Variants in IL1RAPL2 observed in about 807,000 individuals in gnomAD.
IL1RAPL2 encodes X-linked interleukin-1 receptor accessory protein-like 2.
A neutral mutation model predicts 44.1 loss-of-function variants in IL1RAPL2; 3 were observed. The ratio of observed to expected loss-of-function variants is 0.07; its 90% CI spans 0.03 to 0.18. The LOEUF is 0.18. Ranked by LOEUF, IL1RAPL2 falls within the 10% of genes least tolerant of loss-of-function variation. The pLI, the probability that IL1RAPL2 is intolerant of heterozygous loss-of-function variation, is 1.00. For missense variants in IL1RAPL2, 391 were observed against 496.4 expected (o/e 0.79, Z 2.02); for synonymous variants, 181 against 178.8 (o/e 1.01, Z -0.10).
chrX:105,009,610 GA>G (rs1206253703), intron 2 of IL1RAPL2, among the ~76,000 whole-genome samples: 2 of 76,983 alleles, frequency 2.6e-5, no homozygotes, highest in East Asian at 1.1e-3. Context: ...GGGGTGGGGG[GA>G]GGGGGGCGAG....
chrX:105,384,369 C>T (rs1005245525), intron 5 of IL1RAPL2, among the ~76,000 whole-genome samples: 1 of 111,586 alleles, frequency 9.0e-6, no homozygotes, highest in Non-Finnish European at 1.9e-5. Context: ...GTAGACGATC[C>T]TTTCCCCAAT....
At chrX:104,721,892 C>T (rs181809166) in intron 2 of IL1RAPL2, among the ~76,000 whole-genome samples, 4 of 111,315 alleles carry the variant, frequency 3.6e-5, no homozygotes, top group South Asian at 3.7e-4. Flanking sequence ...TTTTGATAAG[C>T]GCTATTGTAT....
chrX:104,704,032 A>G (rs1602688567), intron 2 of IL1RAPL2, among the ~76,000 whole-genome samples: 1 of 110,365 alleles, frequency 9.1e-6, no homozygotes, highest in Admixed American at 9.7e-5. Context: ...GTGAAATCAG[A>G]TTTTTTTCCA....
chrX:104,752,988 A>T (rs1039536609), intron 2 of IL1RAPL2, among the ~76,000 whole-genome samples: 1 of 108,065 alleles, frequency 9.3e-6, no homozygotes, highest in African/African-American at 3.4e-5. Context: ...TCCCACCCAA[A>T]CTCTTCTAGC....
At chrX:105,181,784 G>A (rs782126929) in intron 2 of IL1RAPL2, among the ~76,000 whole-genome samples, 1 of 111,396 alleles carries the variant, frequency 9.0e-6, no homozygotes, top group Non-Finnish European at 1.9e-5. Flanking sequence ...GTATGTTCTG[G>A]CTGGGCGCAG....
In IL1RAPL2 at chrX:105,227,143, G is replaced by A. The variant is rs187311046; in HGVS notation, c.357-6675G>A. ...GCTAAATGACGAGTTAATGGGTGCA[G>A]CACACCAGCATGGCACATGTATACA... On this transcript the variant is annotated intron_variant, in intron 3 of 10. Transcript: ENST00000372582. Among the ~76,000 whole-genome samples, 526 of 108,228 alleles carry A rather than the reference G, an allele frequency of 4.9e-3. 6 individuals are homozygous for A. The highest frequency in any genetic ancestry group is 0.017 in the African/African-American group (497 of 29,812). 94.0% of individuals were successfully genotyped at this position (108,228 alleles called of 115,157 possible). A position where few individuals can be genotyped will look rare whatever the true frequency, so the allele number is the denominator to read the frequency against.
intron 4 of IL1RAPL2, among the ~76,000 whole-genome samples, chrX:105,237,480 T>A (rs978631991): frequency 2.7e-5 from 3 of 111,929 alleles, no homozygotes; most frequent in Non-Finnish European, 3.8e-5. Flanking sequence ...AAGTGTTCCT[T>A]TTTCTCCACA....
chrX:105,057,358 A>T (rs2032007337), intron 2 of IL1RAPL2, among the ~76,000 whole-genome samples: 1 of 111,773 alleles, frequency 8.9e-6, no homozygotes, highest in Admixed American at 9.5e-5. Flanking sequence ...GCAAAATTGC[A>T]TGAACAGTGA....
In IL1RAPL2 at chrX:104,633,808, AT is replaced by A. The variant is rs1183381638; in HGVS notation, c.-19-25080del. Among the ~76,000 whole-genome samples, 4 of 110,653 alleles carry A rather than the reference AT, an allele frequency of 3.6e-5. No individual in the cohort carries two copies. The East Asian group carries it at 1.1e-3, about 32-fold the overall frequency. ...AAAAAACCAGCCCCTGGATTCATTG[AT>A]TTTTTTGAAGGGTTTTTTTGTGTCT... On this transcript the variant is annotated intron_variant, in intron 1 of 10. Transcript: ENST00000372582.
intron 2 of IL1RAPL2, among the ~76,000 whole-genome samples, chrX:104,678,631 C>G (rs1930832506): frequency 8.9e-6 from 1 of 112,160 alleles, no homozygotes; most frequent in Admixed American, 9.4e-5. Flanking sequence ...TATTCAGTCC[C>G]TAAGTGTCAT....
At chrX:104,737,583 C>T (rs1015553642) in intron 2 of IL1RAPL2, among the ~76,000 whole-genome samples, 2 of 111,777 alleles carry the variant, frequency 1.8e-5, no homozygotes, top group Non-Finnish European at 3.8e-5. Flanking sequence ...GAACTAGAAT[C>T]ATGGTAGAAG....
chrX:104,767,166 C>T (rs1419137), intron 2 of IL1RAPL2, among the ~76,000 whole-genome samples: 5,937 of 111,648 alleles, frequency 0.053, 415 homozygotes, highest in African/African-American at 0.18. Flanking sequence ...CCATCAGGTG[C>T]AATATCAGGT....
intron 2 of IL1RAPL2, among the ~76,000 whole-genome samples, chrX:105,134,035 T>C (rs2147579270): frequency 8.9e-6 from 1 of 111,801 alleles, no homozygotes; most frequent in Admixed American, 9.5e-5. Context: ...CATTATAGCT[T>C]TGTGTTTGTA....
chrX:105,595,344 A>G (rs1018101278), intron 6 of IL1RAPL2, among the ~76,000 whole-genome samples: 1 of 111,798 alleles, frequency 8.9e-6, no homozygotes, highest in Admixed American at 9.5e-5. Flanking sequence ...AAACAATATT[A>G]AATAAGAATT....
chrX:104,915,579 C>T (rs1202735246), intron 2 of IL1RAPL2, among the ~76,000 whole-genome samples: 2 of 110,282 alleles, frequency 1.8e-5, no homozygotes, highest in East Asian at 5.7e-4. Context: ...TTAATTAGAT[C>T]CCATTTGTCA....
At chrX:105,457,073 C>G (rs1056315137) in intron 5 of IL1RAPL2, among the ~76,000 whole-genome samples, 1 of 109,192 alleles carries the variant, frequency 9.2e-6, no homozygotes, top group Non-Finnish European at 1.9e-5. Context: ...CACACACACA[C>G]ACACACAGAG....
At chrX:105,664,103 G>A (rs759916487) in intron 6 of IL1RAPL2, among the ~76,000 whole-genome samples, 1 of 112,021 alleles carries the variant, frequency 8.9e-6, no homozygotes, top group East Asian at 2.8e-4. Flanking sequence ...GCAAAGGATG[G>A]TTTGGTAATT....
At chrX:104,659,660 C>G (rs899513380) in intron 2 of IL1RAPL2, among the ~76,000 whole-genome samples, 5 of 112,014 alleles carry the variant, frequency 4.5e-5, no homozygotes, top group Admixed American at 9.5e-5. Flanking sequence ...TAATTACAAA[C>G]TTTGCATGAG....
chrX:105,557,148 A>G (rs1390229358), intron 6 of IL1RAPL2, among the ~76,000 whole-genome samples: 1 of 112,052 alleles, frequency 8.9e-6, no homozygotes, highest in Non-Finnish European at 1.9e-5. Context: ...TGGGTTAGAG[A>G]AGATTCAGAG....
Sources: allele counts gnomAD v4.1 joint callset (sites outside exome capture counted in the v4.1 genomes callset), GRCh38; gene constraint gnomAD v4.1.1; transcripts MANE v1.5; gene names NCBI Gene and HGNC (gene_info 2026-07-23, HGNC 2026-07-21).